The following ZFHX3 variants were observed in gnomAD, a reference collection of about 807,000 sequenced individuals.
ZFHX3 encodes zinc finger homeobox 3, also known as zinc finger homeobox protein 3.
A neutral mutation model predicts 279.1 loss-of-function variants in ZFHX3; 42 were observed. The observed-to-expected ratio is 0.15, with a 90% CI of 0.12 to 0.19. The LOEUF is 0.19. ZFHX3 is among the 10% of genes least tolerant of loss of function. The pLI is 1.00. For synonymous variants in ZFHX3, 2,293 were observed against 1,957.8 expected (o/e 1.17, Z -4.52); for missense variants, 4,981 against 4,754.0 (o/e 1.05, Z -1.40).
At chr16:73,295,669 G>A (rs1437584915) in intron 4 of ZFHX3, among the ~76,000 whole-genome samples, 1 of 152,208 alleles carries the variant, frequency 6.6e-6, no homozygotes, top group Non-Finnish European at 1.5e-5. Flanking sequence ...CTGCTGTGAA[G>A]CGCCTGATGG....
chr16:72,838,967 C>T (rs1417053588), intron 4 of ZFHX3, among the ~76,000 whole-genome samples: 10 of 151,636 alleles, frequency 6.6e-5, no homozygotes, highest in Non-Finnish European at 1.3e-4. Context: ...AACCCTGAAA[C>T]GCTCTCGGAA....
intron 1 of ZFHX3, among the ~76,000 whole-genome samples, chr16:73,691,757 C>G (rs548970826): frequency 5.3e-5 from 8 of 152,172 alleles, no homozygotes; most frequent in Non-Finnish European, 1.2e-4. Flanking sequence ...AAAGCATCTT[C>G]TACAATATTT....
At position 73,813,502 on chromosome 16, in the gene ZFHX3, C is replaced by CA. The variant is rs200645583; in HGVS notation, c.-1608+78148dup. On this transcript the variant is annotated intron_variant, in intron 1 of 17. Coordinates refer to the ZFHX3 transcript ENST00000641206. ...TTTCTGTAAGTCCATTTCAGTAAAA[C>CA]AAAAAAAAAGGAAAAAAAATGTGAC... 9.8e-3 allele frequency among the ~76,000 whole-genome samples: 1,469 copies of CA among 149,370 alleles called. 7 individuals carry two copies. The highest frequency in any genetic ancestry group is 0.027 in the Middle Eastern group (8 of 294).
rs536501704 is a variant in ZFHX3, at chr16:73,465,696, C to T, written c.-1546-9438G>A. On this transcript the variant is annotated intron_variant, in intron 2 of 17. Transcript: ENST00000641206. ...ATGCTCAGCTCTGGGTCTTTGCTTA[C>T]GTCTTCCCCCTACCTGGAATACAAC... Among the ~76,000 whole-genome samples the T allele has an allele frequency of 6.6e-5, 10 of 152,310 alleles. No homozygotes were observed. In the South Asian group the frequency reaches 8.3e-4, roughly 13 times the overall value.
At chr16:73,830,180 G>C (rs1393904544) in intron 1 of ZFHX3, among the ~76,000 whole-genome samples, 1 of 133,446 alleles carries the variant, frequency 7.5e-6, no homozygotes. Context: ...AGGTGCGTCC[G>C]TCACCCCTTT....
At chr16:72,824,429 T>C (rs1281250758) in intron 5 of ZFHX3, among the ~76,000 whole-genome samples, 3 of 152,202 alleles carry the variant, frequency 2.0e-5, no homozygotes, top group East Asian at 1.9e-4. Flanking sequence ...GCCAATCCTT[T>C]AGAAAAATGA....
intron 5 of ZFHX3, among the ~76,000 whole-genome samples, chr16:73,170,450 G>A (rs1318097968): frequency 6.6e-6 from 1 of 151,834 alleles, no homozygotes; most frequent in Non-Finnish European, 1.5e-5. Context: ...GGCTGGTCTC[G>A]AACTCCTGAC....
At chr16:73,682,995 G>GAAAGA (rs1555532229) in intron 1 of ZFHX3, among the ~76,000 whole-genome samples, 1 of 49,354 alleles carries the variant, frequency 2.0e-5, no homozygotes, top group Non-Finnish European at 4.9e-5. Context: ...AGAAAGAAAA[G>GAAAGA]AAAGAAAGAA....
intron 4 of ZFHX3, among the ~76,000 whole-genome samples, chr16:72,835,777 T>C (rs2037177438): frequency 6.6e-6 from 1 of 152,058 alleles, no homozygotes; most frequent in Non-Finnish European, 1.5e-5. Context: ...CTGAGACTCA[T>C]TGTATACCCT....
rs985389512 is a variant in ZFHX3, at chr16:72,832,107, C to A, written c.3449-2248G>T. Among the ~76,000 whole-genome samples the A allele has an allele frequency of 2.6e-5, 4 of 152,158 alleles. No individual in the cohort carries two copies. The East Asian group carries it at 7.7e-4, about 29-fold the overall frequency. On this transcript the variant is annotated intron_variant, in intron 4 of 9. Coordinates refer to ENST00000268489, the MANE Select transcript of ZFHX3 (RefSeq NM_006885.4). ...ACCCTGAGATGGTGATGTGCAGTGT[C>A]TGAAGGTGCTGCTCAGCAGACATGG... is the stretch of plus-strand genomic sequence containing the variant.
intron 1 of ZFHX3, among the ~76,000 whole-genome samples, chr16:72,971,941 A>G (rs1162329162): frequency 7.1e-6 from 1 of 140,234 alleles, no homozygotes; most frequent in Non-Finnish European, 1.5e-5. Context: ...GTTGGAGTAC[A>G]ATGGGGCGAT....
chr16:73,588,880 C>T (rs909334248), intron 2 of ZFHX3, among the ~76,000 whole-genome samples: 2 of 151,742 alleles, frequency 1.3e-5, no homozygotes, highest in African/African-American at 4.8e-5. Flanking sequence ...ATGGAGAGGT[C>T]TAGACAGAGA....
chr16:73,112,030 C>T (rs202084716), intron 7 of ZFHX3, among the ~76,000 whole-genome samples: 1 of 151,960 alleles, frequency 6.6e-6, no homozygotes, highest in Admixed American at 6.6e-5. Flanking sequence ...TAGAATCTTA[C>T]ACTGGTGGGT....
chr16:73,811,146 C>T (rs1960414161), intron 1 of ZFHX3, among the ~76,000 whole-genome samples: 1 of 152,124 alleles, frequency 6.6e-6, no homozygotes, highest in Admixed American at 6.5e-5. Context: ...AGAACTCCTA[C>T]CCTCTACTAA....
intron 3 of ZFHX3, among the ~76,000 whole-genome samples, chr16:72,897,472 C>T (rs141176246): frequency 8.5e-5 from 13 of 152,218 alleles, no homozygotes; most frequent in African/African-American, 2.9e-4. Flanking sequence ...AAGGGTCTCA[C>T]TCTATCATCC....
At chr16:73,386,200 GTCTC>G (rs1365671780) in intron 3 of ZFHX3, among the ~76,000 whole-genome samples, 7 of 151,196 alleles carry the variant, frequency 4.6e-5, no homozygotes, top group African/African-American at 1.5e-4. Context: ...CACCGTCTCT[GTCTC>G]TCTCTCTCTC....
intron 5 of ZFHX3, among the ~76,000 whole-genome samples, chr16:73,162,174 G>A (rs1967252756): frequency 6.6e-6 from 1 of 152,240 alleles, no homozygotes; most frequent in Non-Finnish European, 1.5e-5. Flanking sequence ...CAACAGGTCA[G>A]TGAGCAAAGG....
At chr16:73,817,508 C>T (rs1960606782) in intron 1 of ZFHX3, among the ~76,000 whole-genome samples, 2 of 152,178 alleles carry the variant, frequency 1.3e-5, no homozygotes, top group South Asian at 2.1e-4. Context: ...GACACCCTAA[C>T]GGCGAGTCTT....
intron 5 of ZFHX3, among the ~76,000 whole-genome samples, chr16:73,220,710 C>G (rs1037663254): frequency 6.6e-6 from 1 of 151,988 alleles, no homozygotes; most frequent in South Asian, 2.1e-4. Context: ...CTTTGCTTGC[C>G]AAGGTAAGGG....
Sources: allele counts gnomAD v4.1 joint callset (sites outside exome capture counted in the v4.1 genomes callset), GRCh38; gene constraint gnomAD v4.1.1; transcripts MANE v1.5; gene names NCBI Gene and HGNC (gene_info 2026-07-23, HGNC 2026-07-21).